Variants in EPHB1 observed in about 807,000 individuals in gnomAD.
The protein encoded by EPHB1 is EPH receptor B1.
In EPHB1, 30 loss-of-function variants were observed where a neutral mutation model predicts 94.4. The ratio of observed to expected loss-of-function variants is 0.32; its 90% CI spans 0.24 to 0.43. The LOEUF is 0.43. Ranked by LOEUF, EPHB1 falls within the 20% of genes least tolerant of loss-of-function variation. The pLI is 1.00. For synonymous variants in EPHB1, 522 were observed against 489.1 expected (o/e 1.07, Z -0.89); for missense variants, 1,055 against 1,308.3 (o/e 0.81, Z 2.99).
chr3:134,807,164 C>G (rs775976942), intron 1 of EPHB1, among the ~76,000 whole-genome samples: 2 of 152,178 alleles, frequency 1.3e-5, no homozygotes, highest in Non-Finnish European at 2.9e-5. Flanking sequence ...TCTACAGAGG[C>G]AAATGGGGAG....
intron 3 of EPHB1, among the ~76,000 whole-genome samples, chr3:135,020,248 T>C (rs989151440): frequency 2.6e-5 from 4 of 152,276 alleles, no homozygotes; most frequent in African/African-American, 4.8e-5. Flanking sequence ...AATTTTTTTA[T>C]AATAGCTGTG....
intron 12 of EPHB1, among the ~76,000 whole-genome samples, chr3:135,220,466 A>T (rs1461179125): frequency 6.6e-6 from 1 of 152,180 alleles, no homozygotes. Context: ...CACTTAGAGA[A>T]TACATGCCAT....
chr3:134,914,958 C>A (rs2107696527), intron 1 of EPHB1, among the ~76,000 whole-genome samples: 1 of 152,172 alleles, frequency 6.6e-6, no homozygotes, highest in Non-Finnish European at 1.5e-5. Flanking sequence ...CTCTCTCTGC[C>A]CAGGACAGGG....
chr3:135,191,740 G>T (rs1942462409), intron 10 of EPHB1, among the ~76,000 whole-genome samples: 1 of 152,094 alleles, frequency 6.6e-6, no homozygotes, highest in Non-Finnish European at 1.5e-5. Flanking sequence ...ATGCATGGAG[G>T]TGTGCAGCTC....
At chr3:135,114,537 T>TAA (rs56100882) in intron 4 of EPHB1, among the ~76,000 whole-genome samples, 1,546 of 37,180 alleles carry the variant, frequency 0.042, 295 homozygotes, top group Non-Finnish European at 0.044. Flanking sequence ...CTGTCTCTAC[T>TAA]AAAAAAAAAA....
chr3:134,867,481 C>T (rs1304417027), intron 1 of EPHB1, among the ~76,000 whole-genome samples: 1 of 152,090 alleles, frequency 6.6e-6, no homozygotes, highest in Non-Finnish European at 1.5e-5. Flanking sequence ...AAGTAGGAGG[C>T]TGCTCCAGTG....
chr3:135,180,651 A>G (rs1029617981), intron 10 of EPHB1, among the ~76,000 whole-genome samples: 9 of 152,220 alleles, frequency 5.9e-5, no homozygotes, highest in African/African-American at 2.2e-4. Context: ...AGATGCTCTC[A>G]GGAAATCATA....
At chr3:134,920,930 T>A (rs936940031) in intron 1 of EPHB1, among the ~76,000 whole-genome samples, 4 of 152,032 alleles carry the variant, frequency 2.6e-5, no homozygotes, top group Non-Finnish European at 5.9e-5. Context: ...AGGTTTTTTT[T>A]TTGAGACGGG....
chr3:135,243,091 A>AG (rs1559888378), intron 13 of EPHB1, among the ~76,000 whole-genome samples: 1 of 71,540 alleles, frequency 1.4e-5, no homozygotes, highest in Non-Finnish European at 3.3e-5. Flanking sequence ...AAAAAAAAAA[A>AG]AAAGAAAAGA....
chr3:135,148,295 TAA>T (rs1941081732), intron 5 of EPHB1, among the ~76,000 whole-genome samples: 1 of 152,180 alleles, frequency 6.6e-6, no homozygotes, highest in Non-Finnish European at 1.5e-5. Flanking sequence ...AGTCGGTAAC[TAA>T]ATTAAAGTGT....
intron 3 of EPHB1, among the ~76,000 whole-genome samples, chr3:134,956,245 C>G (rs1431120160): frequency 1.3e-5 from 2 of 152,002 alleles, no homozygotes; most frequent in Admixed American, 6.6e-5. Flanking sequence ...TCTGTGACAA[C>G]CCCTGAGTGG....
intron 2 of EPHB1, among the ~76,000 whole-genome samples, chr3:134,946,495 A>G (rs1390767778): frequency 1.3e-5 from 2 of 152,110 alleles, no homozygotes; most frequent in East Asian, 3.8e-4. Flanking sequence ...TTCTGCTCCC[A>G]GAAGGTGCAT....
chr3:135,165,914 C>A, intron 7 of EPHB1, 54 bp from the exon 8 acceptor site: 2 of 1,284,388 alleles, frequency 1.6e-6, no homozygotes, highest in Non-Finnish European at 2.3e-6. Context: ...CACTGAGTAT[C>A]AGCTGTATGC....
intron 3 of EPHB1, among the ~76,000 whole-genome samples, chr3:135,028,638 C>T (rs1413615440): frequency 1.5e-5 from 2 of 137,590 alleles, no homozygotes; most frequent in Non-Finnish European, 3.2e-5. Flanking sequence ...GAGAGCTTTA[C>T]TTCCAAGTAT....
intron 1 of EPHB1, among the ~76,000 whole-genome samples, chr3:134,898,512 C>A (rs1235627514): frequency 6.6e-6 from 1 of 152,168 alleles, no homozygotes; most frequent in East Asian, 1.9e-4. Context: ...GGCAGGCCAA[C>A]CCCCATGCTC....
intron 1 of EPHB1, among the ~76,000 whole-genome samples, chr3:134,796,664 T>C (rs966839348): frequency 4.0e-5 from 6 of 148,776 alleles, no homozygotes; most frequent in Non-Finnish European, 7.5e-5. Context: ...CTTCGCAGCC[T>C]AGCAGCGGCC....
At chr3:134,893,045 G>A (rs2107686147) in intron 1 of EPHB1, among the ~76,000 whole-genome samples, 1 of 151,908 alleles carries the variant, frequency 6.6e-6, no homozygotes, top group African/African-American at 2.4e-5. Context: ...CAAATATAAT[G>A]AAAAATCTCC....
At chr3:135,013,472 G>A (rs969859424) in intron 3 of EPHB1, among the ~76,000 whole-genome samples, 1 of 152,186 alleles carries the variant, frequency 6.6e-6, no homozygotes, top group Admixed American at 6.5e-5. Flanking sequence ...TCCGTATGTC[G>A]GAAGACACAT....
At chr3:135,040,789 A>T (rs1033828970) in intron 3 of EPHB1, among the ~76,000 whole-genome samples, 11 of 152,196 alleles carry the variant, frequency 7.2e-5, no homozygotes, top group Non-Finnish European at 1.0e-4. Flanking sequence ...CTAAACTGTA[A>T]AGCATTCTAT....
Sources: allele counts gnomAD v4.1 joint callset (sites outside exome capture counted in the v4.1 genomes callset), GRCh38; gene constraint gnomAD v4.1.1; transcripts MANE v1.5; gene names NCBI Gene and HGNC (gene_info 2026-07-23, HGNC 2026-07-21).